The following SHISA9 variants were observed in gnomAD, a reference collection of about 807,000 sequenced individuals.
The protein encoded by SHISA9 is shisa family member 9, also known as protein shisa-9.
In SHISA9, 13 loss-of-function variants were observed where a neutral mutation model predicts 38.0. The observed-to-expected ratio is 0.34, with a 90% CI of 0.22 to 0.54. The LOEUF is 0.54. Among genes scored for constraint, SHISA9 ranks in the 20% least tolerant of loss-of-function variants. SHISA9 has a pLI of 0.91. For missense variants in SHISA9, 538 were observed against 575.8 expected (o/e 0.93, Z 0.67); for synonymous variants, 275 against 242.0 (o/e 1.14, Z -1.27).
At chr16:13,080,121 C>T (rs1268734060) in intron 2 of SHISA9, among the ~76,000 whole-genome samples, 2 of 152,170 alleles carry the variant, frequency 1.3e-5, no homozygotes, top group South Asian at 2.1e-4. Context: ...CGCCTGTAAT[C>T]CCAGCACTTT....
the SHISA9 span, among the ~76,000 whole-genome samples, chr16:13,314,935 T>C: frequency 1.3e-5 from 2 of 152,216 alleles, no homozygotes; most frequent in African/African-American, 4.8e-5. Flanking sequence ...AATACTGTAT[T>C]ATGCTCTCAA....
chr16:13,089,624 A>G (rs1018729974), intron 2 of SHISA9, among the ~76,000 whole-genome samples: 3 of 152,142 alleles, frequency 2.0e-5, no homozygotes, highest in African/African-American at 7.2e-5. Flanking sequence ...GGTAGTTTGT[A>G]TTTCTGTGGG....
intron 2 of SHISA9, among the ~76,000 whole-genome samples, chr16:13,030,308 T>A (rs2141876463): frequency 1.3e-5 from 2 of 152,286 alleles, no homozygotes; most frequent in South Asian, 4.1e-4. Context: ...CTTCTAGAAG[T>A]GCTGGAGAGT....
At chr16:13,531,128 A>G in the SHISA9 span, among the ~76,000 whole-genome samples, 1 of 152,176 alleles carries the variant, frequency 6.6e-6, no homozygotes, top group Admixed American at 6.5e-5. Flanking sequence ...TTTCCTGTTG[A>G]AGGCAGTAAT....
intron 2 of SHISA9, among the ~76,000 whole-genome samples, chr16:13,060,036 AC>A (rs1300234772): frequency 2.0e-5 from 3 of 152,122 alleles, no homozygotes; most frequent in Admixed American, 2.0e-4. Flanking sequence ...TCTGATTATT[AC>A]CCCCATTTGA....
At chr16:13,521,240 C>T in the SHISA9 span, among the ~76,000 whole-genome samples, 1 of 152,178 alleles carries the variant, frequency 6.6e-6, no homozygotes, top group East Asian at 1.9e-4. Context: ...CTTTCTTCTC[C>T]CTTGAATCTT....
At chr16:13,213,355 A>G in intron 4 of SHISA9, 55 bp downstream of exon 4, 5 of 1,502,368 alleles carry the variant, frequency 3.3e-6, no homozygotes. Context: ...AGTTAGCATT[A>G]AATAATGAAG....
chr16:13,381,937 C>T, the SHISA9 span, among the ~76,000 whole-genome samples: 1 of 151,484 alleles, frequency 6.6e-6, no homozygotes, highest in African/African-American at 2.4e-5. Flanking sequence ...GAGAGTGTTC[C>T]CAGACACAAA....
the SHISA9 span, among the ~76,000 whole-genome samples, chr16:13,427,585 C>T: frequency 5.3e-5 from 8 of 152,196 alleles, no homozygotes; most frequent in African/African-American, 1.9e-4. Context: ...ACAGGAAGGA[C>T]ATTCCAGGAA....
At chr16:13,354,425 G>C in the SHISA9 span, among the ~76,000 whole-genome samples, 79 of 151,080 alleles carry the variant, frequency 5.2e-4, no homozygotes, top group Non-Finnish European at 8.8e-4. Flanking sequence ...ATGGGGGTCA[G>C]GTGTGGTATC....
chr16:12,994,747 T>C (rs1183925166), intron 2 of SHISA9, among the ~76,000 whole-genome samples: 4 of 152,182 alleles, frequency 2.6e-5, no homozygotes, highest in Non-Finnish European at 1.5e-5. Flanking sequence ...CCGTTGGTCA[T>C]GGTCAGGTAT....
At chr16:13,146,479 G>T (rs1030479525) in intron 2 of SHISA9, among the ~76,000 whole-genome samples, 2 of 152,078 alleles carry the variant, frequency 1.3e-5, no homozygotes, top group African/African-American at 2.4e-5. Flanking sequence ...GGTAAATGGG[G>T]TATCCATCAC....
At chr16:13,415,760 T>C in the SHISA9 span, among the ~76,000 whole-genome samples, 2 of 151,854 alleles carry the variant, frequency 1.3e-5, no homozygotes, top group African/African-American at 2.4e-5. Context: ...TTCACTAATA[T>C]ACAAATCTAA....
intron 2 of SHISA9, among the ~76,000 whole-genome samples, chr16:13,145,923 C>T (rs1290927583): frequency 2.6e-5 from 4 of 152,178 alleles, no homozygotes; most frequent in Admixed American, 6.5e-5. Flanking sequence ...CGAGGTGGCT[C>T]GCGCCTGTAA....
chr16:13,478,885 C>T, the SHISA9 span, among the ~76,000 whole-genome samples: 2 of 152,140 alleles, frequency 1.3e-5, no homozygotes, highest in Non-Finnish European at 2.9e-5. Context: ...TCTGATCCAC[C>T]ATTAGTGCAT....
At chr16:13,322,014 G>A in the SHISA9 span, among the ~76,000 whole-genome samples, 1 of 152,196 alleles carries the variant, frequency 6.6e-6, no homozygotes, top group Non-Finnish European at 1.5e-5. Flanking sequence ...ATAAAATTGT[G>A]ATTATATATT....
At chr16:13,550,438 C>A in the SHISA9 span, among the ~76,000 whole-genome samples, 1 of 152,288 alleles carries the variant, frequency 6.6e-6, no homozygotes, top group East Asian at 1.9e-4. Flanking sequence ...CCGGAACCAG[C>A]AAAATGTCCT....
At chr16:13,129,736 A>G (rs2050291227) in intron 2 of SHISA9, among the ~76,000 whole-genome samples, 1 of 152,160 alleles carries the variant, frequency 6.6e-6, no homozygotes, top group African/African-American at 2.4e-5. Flanking sequence ...TCTTCAATGG[A>G]TGGTCCCATA....
the SHISA9 span, among the ~76,000 whole-genome samples, chr16:13,556,641 C>T: frequency 2.0e-5 from 3 of 151,498 alleles, no homozygotes; most frequent in Admixed American, 6.6e-5. Flanking sequence ...CCAGCCTGGG[C>T]GACAGAGTGA....
Sources: allele counts gnomAD v4.1 joint callset (sites outside exome capture counted in the v4.1 genomes callset), GRCh38; gene constraint gnomAD v4.1.1; transcripts MANE v1.5; gene names NCBI Gene and HGNC (gene_info 2026-07-23, HGNC 2026-07-21).